Variants in MECOM observed in about 807,000 individuals in gnomAD.
MECOM encodes histone-lysine N-methyltransferase MECOM.
A neutral mutation model predicts 116.3 loss-of-function variants in MECOM; 13 were observed. The observed-to-expected ratio is 0.11, with a 90% CI of 0.07 to 0.18. The LOEUF is 0.18. Among genes scored for constraint, MECOM ranks in the 10% least tolerant of loss-of-function variants. MECOM has a pLI of 1.00. For synonymous variants in MECOM, 528 were observed against 535.2 expected (o/e 0.99, Z 0.19); for missense variants, 1,299 against 1,509.0 (o/e 0.86, Z 2.31).
chr3:169,099,824 T>C (rs1321531718), intron 12 of MECOM, among the ~76,000 whole-genome samples: 1 of 152,092 alleles, frequency 6.6e-6, no homozygotes, highest in Non-Finnish European at 1.5e-5. Flanking sequence ...TTAAATAATG[T>C]AGTTTATATT....
At chr3:169,660,873 G>A (rs914245250) in intron 1 of MECOM, among the ~76,000 whole-genome samples, 4 of 152,218 alleles carry the variant, frequency 2.6e-5, no homozygotes, top group African/African-American at 7.2e-5. Context: ...GCTTCTGTCT[G>A]GGAAAGGCAG....
intron 2 of MECOM, among the ~76,000 whole-genome samples, chr3:169,227,789 C>A (rs1418640157): frequency 6.6e-6 from 1 of 152,108 alleles, no homozygotes; most frequent in African/African-American, 2.4e-5. Context: ...TTTCAAGAGG[C>A]ACATTCAAGA....
chr3:169,644,163 T>C (rs192306388), intron 1 of MECOM, among the ~76,000 whole-genome samples: 94 of 152,320 alleles, frequency 6.2e-4, no homozygotes, highest in Non-Finnish European at 1.1e-3. Flanking sequence ...ATAGTTATGA[T>C]TCTGAAGCCC....
In MECOM at chr3:169,502,508, T is replaced by C. The variant is rs569733202; in HGVS notation, c.38-120984A>G. 9.3e-4 allele frequency among the ~76,000 whole-genome samples: 141 copies of C among 152,226 alleles called. 1 individual carries two copies. Among genetic ancestry groups the C allele is most frequent in the African/African-American group, 3.4e-3 (140 of 41,548 alleles). ...TTAGCCAGAGCCAGTGTCTGTTGAC[T>C]GCAACCAGAGACCCCTAAAAACACC... is the stretch of plus-strand genomic sequence containing the variant. On this transcript the variant is annotated intron_variant, in intron 1 of 16. Coordinates refer to ENST00000651503, the MANE Select transcript of MECOM (RefSeq NM_004991.4).
chr3:169,384,719 G>A (rs530087750), intron 1 of MECOM, among the ~76,000 whole-genome samples: 37 of 152,214 alleles, frequency 2.4e-4, no homozygotes, highest in African/African-American at 8.4e-4. Context: ...TATTCCTCCC[G>A]TAATTATCTA....
intron 1 of MECOM, among the ~76,000 whole-genome samples, chr3:169,481,085 CA>C (rs1251895188): frequency 6.6e-6 from 1 of 151,708 alleles, no homozygotes; most frequent in Non-Finnish European, 1.5e-5. Context: ...CCTGCCCCCC[CA>C]AAAAAGCAAA....
chr3:169,381,178 C>T lies in MECOM; in HGVS notation c.375+9G>A, dbSNP rs1732331767. 10 of 1,590,272 alleles carry T rather than the reference C, an allele frequency of 6.3e-6. No homozygotes were observed. Among genetic ancestry groups the T allele is most frequent in the Non-Finnish European group, 6.9e-6 (8 of 1,164,182 alleles). ...TATATAAATGTGTTAACTCAAAATACATTCTTACCTCCCATCCATAACTGG... is the reference window on the plus strand; with the variant it reads ...TATATAAATGTGTTAACTCAAAATATATTCTTACCTCCCATCCATAACTGG... On this transcript the variant is annotated intron_variant, in intron 2 of 16. Transcript: ENST00000651503.
chr3:169,663,404 G>A lies in MECOM; in HGVS notation c.-32C>T, dbSNP rs1222060977. On this transcript the variant is annotated 5_prime_UTR_variant, in exon 1 of 17. Transcript: ENST00000651503. ...CCCAGTCCTGCAGCCGCTGGTGTGT[G>A]GTTGGGGCTTTTTTTTCTTGGATCC... 4 of 1,601,544 alleles carry A rather than the reference G, an allele frequency of 2.5e-6. No homozygotes were observed. In the African/African-American group the frequency reaches 5.4e-5, roughly 21 times the overall value.
At chr3:169,295,164 C>G (rs150234996) in intron 2 of MECOM, among the ~76,000 whole-genome samples, 1 of 152,286 alleles carries the variant, frequency 6.6e-6, no homozygotes, top group Admixed American at 6.5e-5. Flanking sequence ...CTTTGAACCT[C>G]CTGTCCCACT....
intron 1 of MECOM, among the ~76,000 whole-genome samples, chr3:169,499,729 CA>C (rs1481892079): frequency 6.6e-6 from 1 of 151,894 alleles, no homozygotes; most frequent in Non-Finnish European, 1.5e-5. Context: ...ATAATAATGT[CA>C]AAAATAGGAG....
At position 169,212,633 on chromosome 3, in the gene MECOM, A is replaced by AATATAT. The variant is rs780806279; in HGVS notation, c.376-68802_376-68801insATATAT. Among the ~76,000 whole-genome samples the AATATAT allele has an allele frequency of 1.9e-3, 163 of 85,506 alleles. 47 individuals carry two copies. Among genetic ancestry groups the AATATAT allele is most frequent in the South Asian group, 3.1e-3 (7 of 2,266 alleles). 56.1% of individuals were successfully genotyped at this position (85,506 alleles called of 152,430 possible). The stretch of plus-strand genomic sequence containing the variant: ...ACATAGTCTTGGTCTTCTAGTCAGC[A>AATATAT]ATGTATATATATATATATATATATA... On this transcript the variant is annotated intron_variant, in intron 2 of 16. Transcript: ENST00000651503.
At chr3:169,337,527 G>C (rs1211008932) in intron 2 of MECOM, among the ~76,000 whole-genome samples, 2 of 152,146 alleles carry the variant, frequency 1.3e-5, no homozygotes, top group African/African-American at 4.8e-5. Context: ...TGATGGCCCT[G>C]ATACAAACCC....
intron 2 of MECOM, among the ~76,000 whole-genome samples, chr3:169,210,037 G>A (rs1010306070): frequency 2.0e-5 from 3 of 152,098 alleles, no homozygotes; most frequent in East Asian, 1.9e-4. Flanking sequence ...AAAGGAATGC[G>A]ATCATGTCCT....
rs559303748 is a variant in MECOM at position 169,166,558 on chromosome 3, C to G, written c.376-22726G>C. 8.5e-5 allele frequency among the ~76,000 whole-genome samples: 13 copies of G among 152,204 alleles called. No homozygotes were observed. In the East Asian group the frequency reaches 2.5e-3, roughly 29 times the overall value. On this transcript the variant is annotated intron_variant, in intron 2 of 16. Transcript: ENST00000651503. ...TAATGAAGAGGGAGTGAATAGCAAT[C>G]ATGCAATATGTCAAATCAATATAAA... is the stretch of plus-strand genomic sequence containing the variant.
chr3:169,187,113 A>C (rs1157119325), intron 2 of MECOM, among the ~76,000 whole-genome samples: 6 of 152,270 alleles, frequency 3.9e-5, no homozygotes, highest in Non-Finnish European at 2.9e-5. Flanking sequence ...AATCCAGCAC[A>C]CATTATGATG....
At chr3:169,546,749 C>G (rs1451497447) in intron 1 of MECOM, among the ~76,000 whole-genome samples, 1 of 152,164 alleles carries the variant, frequency 6.6e-6, no homozygotes, top group Non-Finnish European at 1.5e-5. Context: ...AAAAAAAATA[C>G]AATACAATCT....
At position 169,625,731 on chromosome 3, in the gene MECOM, G is replaced by C. The variant is rs1242969514; in HGVS notation, c.37+37605C>G. Reference sequence around the variant, plus strand: ...TTCTAAATTGAAGTTAATTGTTAAGGAAGGATACACTCAGGTGATCTATCA... The same window carrying C: ...TTCTAAATTGAAGTTAATTGTTAAGCAAGGATACACTCAGGTGATCTATCA... On this transcript the variant is annotated intron_variant, in intron 1 of 16. Transcript: ENST00000651503. Among the ~76,000 whole-genome samples, 4 of 152,272 alleles carry C rather than the reference G, an allele frequency of 2.6e-5. 1 individual carries two copies. Among genetic ancestry groups the C allele is most frequent in the Non-Finnish European group, 1.5e-5 (1 of 68,018 alleles).
At chr3:169,242,557 G>A (rs1050266087) in intron 2 of MECOM, among the ~76,000 whole-genome samples, 1 of 152,102 alleles carries the variant, frequency 6.6e-6, no homozygotes, top group Non-Finnish European at 1.5e-5. Flanking sequence ...TCCTCCGACT[G>A]CTCGGCGCCA....
Position 169,127,921 on chromosome 3 carries a change from T to G in MECOM, c.753A>C (p.Glu251Asp), listed in dbSNP as rs1733437086. 1 of 1,614,090 alleles carries G rather than the reference T, an allele frequency of 6.2e-7. No individual in the cohort carries two copies. The highest frequency in any genetic ancestry group is 1.3e-5 in the African/African-American group (1 of 75,056). The change falls in exon 5 of 17, where the codon GAA becomes GAC. Residue 251 changes from glutamate to aspartate, a missense_variant. Glu to Asp is a conservative substitution (Grantham distance 45, BLOSUM62 2). This residue lies in a region of MECOM where 374 missense variants were observed against 433.4 expected (regional missense o/e 0.86). Coordinates refer to ENST00000651503, the MANE Select transcript of MECOM (RefSeq NM_004991.4). ...MVEEDFQQKL[E>D]SENDLQEIHT... ...GTATCTCTTGGAGATCATTCTCGCTTTCGAGTTTTTGCTGAAAGTCCTCTT... is the reference window on the plus strand; with the variant it reads ...GTATCTCTTGGAGATCATTCTCGCTGTCGAGTTTTTGCTGAAAGTCCTCTT...
Sources: allele counts gnomAD v4.1 joint callset (sites outside exome capture counted in the v4.1 genomes callset), GRCh38; gene constraint gnomAD v4.1.1; regional missense constraint gnomAD v4.1.1; transcripts MANE v1.5; gene names NCBI Gene and HGNC (gene_info 2026-07-23, HGNC 2026-07-21).